The following BRF1 variants were observed in gnomAD, a reference collection of about 807,000 sequenced individuals.
The protein encoded by BRF1 is transcription factor IIIB 90 kDa subunit.
In BRF1, 59 loss-of-function variants were observed where a neutral mutation model predicts 81.7. The observed-to-expected ratio is 0.72, with a 90% CI of 0.59 to 0.90. BRF1 has a LOEUF of 0.90. BRF1 is among the 40% of genes least tolerant of loss of function. BRF1 has a pLI of 0.00. For missense variants in BRF1, 1,050 were observed against 936.3 expected (o/e 1.12, Z -1.58); for synonymous variants, 491 against 395.6 (o/e 1.24, Z -2.86).
intron 5 of BRF1, among the ~76,000 whole-genome samples, chr14:105,243,744 C>A (rs935495386): frequency 6.6e-6 from 1 of 152,090 alleles, no homozygotes; most frequent in African/African-American, 2.4e-5. Flanking sequence ...ACCTGTAATC[C>A]CAGCACTTTG....
chr14:105,214,671 G>A (rs963550610), intron 15 of BRF1, among the ~76,000 whole-genome samples: 2 of 152,200 alleles, frequency 1.3e-5, no homozygotes, highest in African/African-American at 4.8e-5. Flanking sequence ...CAAAGAGAAA[G>A]GGGGTGCAGC....
chr14:105,304,877 G>A (rs984609906), upstream of BRF1, among the ~76,000 whole-genome samples: 20 of 152,162 alleles, frequency 1.3e-4, no homozygotes, highest in Admixed American at 3.9e-4. Context: ...AGAACAGCAC[G>A]GGAAAGACCT....
intron 2 of BRF1, 129 bp from the exon 3 acceptor site, chr14:105,273,023 T>C: frequency 9.5e-7 from 1 of 1,056,550 alleles, no homozygotes; most frequent in Non-Finnish European, 1.3e-6. Context: ...AGCTCACTTT[T>C]TATATGTGGG....
At chr14:105,246,990 C>A in intron 5 of BRF1, 22 of 985,478 alleles carry the variant, frequency 2.2e-5, no homozygotes, top group Non-Finnish European at 2.7e-5. Context: ...ACCTGCTGAT[C>A]CTTTCTGTTG....
chr14:105,229,281 G>C (rs926884987), intron 6 of BRF1, among the ~76,000 whole-genome samples: 2 of 152,248 alleles, frequency 1.3e-5, no homozygotes, highest in East Asian at 1.9e-4. Flanking sequence ...GCAGGAAAGG[G>C]GCGAGGCCAC....
intron 1 of BRF1, among the ~76,000 whole-genome samples, chr14:105,314,161 G>A (rs971298993): frequency 3.3e-5 from 5 of 152,142 alleles, no homozygotes; most frequent in African/African-American, 9.7e-5. Flanking sequence ...ACCTCCCTGC[G>A]TCCCGGGGAA....
intron 3 of BRF1, among the ~76,000 whole-genome samples, chr14:105,268,827 G>A (rs72711555): frequency 0.036 from 5,407 of 152,278 alleles, 176 homozygotes; most frequent in African/African-American, 0.085. Context: ...TAAAGGTGGC[G>A]AGTCCAGAAG....
At chr14:105,315,518 G>A (rs1399222440), upstream of BRF1, 1 of 152,408 alleles carries the variant, frequency 6.6e-6, no homozygotes, top group Non-Finnish European at 1.5e-5. The surrounding 1 kb of genome is among the most constrained non-coding windows in gnomAD (Gnocchi z 4.4). Flanking sequence ...CGGTGGAGAT[G>A]CCCTGTCCTG....
At chr14:105,220,906 G>C (rs587649162) in intron 11 of BRF1, among the ~76,000 whole-genome samples, 6 of 152,366 alleles carry the variant, frequency 3.9e-5, no homozygotes, top group Admixed American at 2.0e-4. Flanking sequence ...TGTGCCGCTG[G>C]CTGCCCCAGG....
rs115625923 is a variant in BRF1, at chr14:105,253,898, G to T, written c.472-1319C>A. Among the ~76,000 whole-genome samples, 551 of 152,354 alleles carry T rather than the reference G, an allele frequency of 3.6e-3. 1 individual carries two copies. The highest frequency in any genetic ancestry group is 0.013 in the African/African-American group (528 of 41,588). On this transcript the variant is annotated intron_variant, in intron 4 of 17. Coordinates refer to ENST00000547530, the MANE Select transcript of BRF1 (RefSeq NM_001519.4). ...TGGGGGGCGTGTCAGCACATGTAGT[G>T]TGTGTGTGCATCCGCATGCAGTGTG...
rs587620036 is a variant in BRF1, at chr14:105,219,342, C to T, written c.1378-110G>A. On this transcript the variant is annotated intron_variant, in intron 12 of 17. Coordinates refer to ENST00000547530, the MANE Select transcript of BRF1 (RefSeq NM_001519.4). ...TTCCACCGTTAGAGGAAGGGGAACC[C>T]GGGGCAGCCTCTATTTAGTGCGGAG... is the stretch of plus-strand genomic sequence containing the variant. 2,177 of 1,545,254 alleles carry T rather than the reference C, an allele frequency of 1.4e-3. 21 individuals carry two copies. In the African/African-American group the frequency reaches 0.024, roughly 17 times the overall value.
intron 12 of BRF1, chr14:105,219,467 G>A: frequency 3.5e-6 from 3 of 860,338 alleles, no homozygotes; most frequent in Non-Finnish European, 5.1e-6. Context: ...AGACCCCCTA[G>A]GGCAGCTTGC....
chr14:105,217,895 A>C (rs1891596462), intron 14 of BRF1, 95 bp from the exon 15 acceptor site: 1 of 1,542,866 alleles, frequency 6.5e-7, no homozygotes, highest in African/African-American at 1.4e-5. Flanking sequence ...CAGGCGGGTG[A>C]GGCCTGGCTC....
chr14:105,219,980 T>TGGC, intron 12 of BRF1, 89 bp downstream of exon 12: 1 of 1,494,498 alleles, frequency 6.7e-7, no homozygotes, highest in Non-Finnish European at 9.2e-7. Flanking sequence ...GCAGGGGAGG[T>TGGC]GGCCAACCCC....
chr14:105,215,708 A>C (rs1891061014), intron 15 of BRF1, among the ~76,000 whole-genome samples: 2 of 137,438 alleles, frequency 1.5e-5, no homozygotes, highest in South Asian at 4.4e-4. Context: ...GCATGCACAC[A>C]GGCACACACA....
At chr14:105,217,907 G>A in intron 14 of BRF1, 107 bp from the exon 15 acceptor site, 2 of 1,518,808 alleles carry the variant, frequency 1.3e-6, no homozygotes, top group Non-Finnish European at 1.8e-6. Context: ...GCCTGGCTCA[G>A]GCCCTCAGAA....
intron 1 of BRF1, 78 bp from the exon 2 acceptor site, chr14:105,286,454 CA>C: frequency 1.5e-5 from 22 of 1,446,826 alleles, no homozygotes; most frequent in East Asian, 2.4e-5. Flanking sequence ...TCCACAGACA[CA>C]AAGTGAGAAC....
intron 3 of BRF1, among the ~76,000 whole-genome samples, chr14:105,263,409 T>C (rs1406574720): frequency 1.3e-5 from 2 of 152,094 alleles, no homozygotes; most frequent in Non-Finnish European, 2.9e-5. Context: ...TTAGTCCCTT[T>C]ACGGCAGCTG....
chr14:105,292,538 CTGT>C (rs1299519797), intron 1 of BRF1, among the ~76,000 whole-genome samples: 4 of 152,282 alleles, frequency 2.6e-5, no homozygotes, highest in East Asian at 3.9e-4. Flanking sequence ...GGGGAGACAC[CTGT>C]AGGAGGCCTG....
Sources: allele counts gnomAD v4.1 joint callset (sites outside exome capture counted in the v4.1 genomes callset), GRCh38; gene constraint gnomAD v4.1.1; non-coding constraint Gnocchi (gnomAD v3.1); transcripts MANE v1.5; gene names NCBI Gene and HGNC (gene_info 2026-07-23, HGNC 2026-07-21).